SPATA16: variants seen among roughly 807,000 people sequenced by gnomAD.
SPATA16 encodes the protein spermatogenesis associated 16.
Under a neutral mutation model 63.3 loss-of-function variants are expected in SPATA16, and 36 were observed. The ratio of observed to expected loss-of-function variants is 0.57; its 90% CI spans 0.44 to 0.75. The LOEUF (loss-of-function observed/expected upper bound fraction) is 0.75. SPATA16 is among the 30% of genes least tolerant of loss of function. The pLI is 0.00. For missense variants in SPATA16, 646 were observed against 679.3 expected (o/e 0.95, Z 0.54); for synonymous variants, 203 against 216.7 (o/e 0.94, Z 0.56).
intron 6 of SPATA16, among the ~76,000 whole-genome samples, chr3:172,934,068 A>G (rs909584343): frequency 1.3e-5 from 2 of 152,272 alleles, no homozygotes; most frequent in Middle Eastern, 3.4e-3. Context: ...ACTTACATTT[A>G]TAAGTATAAT....
Position 172,894,729 on chromosome 3 carries a change from A to G in SPATA16, c.1588-5037T>C, listed in dbSNP as rs539798693. Among the ~76,000 whole-genome samples, 39 of 152,318 alleles carry G rather than the reference A, an allele frequency of 2.6e-4. No homozygotes were observed. In the Middle Eastern group the frequency reaches 0.014, roughly 53 times the overall value. On this transcript the variant is annotated intron_variant, in intron 10 of 10. Transcript: ENST00000351008. ...GATCTTTGGGAGGCGATTAGGTCACAAGAATGGAACTCTCGTGAATGGCAT... is the reference window on the plus strand; with the variant it reads ...GATCTTTGGGAGGCGATTAGGTCACGAGAATGGAACTCTCGTGAATGGCAT...
At chr3:173,138,864 G>A (rs1267668851) in intron 1 of SPATA16, among the ~76,000 whole-genome samples, 3 of 152,146 alleles carry the variant, frequency 2.0e-5, no homozygotes, top group South Asian at 2.1e-4. Context: ...CATGAATTCT[G>A]CACATTTCAG....
At chr3:173,073,956 T>TG (rs1481768383) in intron 2 of SPATA16, among the ~76,000 whole-genome samples, 1 of 152,068 alleles carries the variant, frequency 6.6e-6, no homozygotes. Flanking sequence ...CTTGCATCAG[T>TG]GTGACCTGGA....
chr3:172,949,935 T>C (rs1002362699), intron 6 of SPATA16, among the ~76,000 whole-genome samples: 2 of 152,198 alleles, frequency 1.3e-5, no homozygotes, highest in Admixed American at 6.5e-5. Flanking sequence ...AAGGTTTTGC[T>C]GAGCATTATG....
intron 10 of SPATA16, among the ~76,000 whole-genome samples, chr3:172,907,839 A>C (rs1390754272): frequency 6.6e-6 from 1 of 151,880 alleles, no homozygotes; most frequent in Non-Finnish European, 1.5e-5. Flanking sequence ...CGGCCTCCCA[A>C]AGTGTTGGTA....
chr3:173,138,352 A>G (rs1266302198), intron 1 of SPATA16, among the ~76,000 whole-genome samples: 4 of 152,216 alleles, frequency 2.6e-5, no homozygotes, highest in Non-Finnish European at 5.9e-5. Flanking sequence ...ATGTGGAGCT[A>G]TCTTCCTAAT....
chr3:173,088,026 CTTTCTTTCTTTCTTTCTT>C (rs1737110681), intron 2 of SPATA16, among the ~76,000 whole-genome samples: 1 of 120,530 alleles, frequency 8.3e-6, no homozygotes, highest in Admixed American at 8.7e-5. Flanking sequence ...TTCTTTCTTT[CTTTCTTTCTTTCTTTCTT>C]TCTTTCTTTC....
chr3:173,117,743 A>G lies in SPATA16; in HGVS notation c.-12T>C. On this transcript the variant is annotated 5_prime_UTR_variant, in exon 2 of 11. Coordinates refer to ENST00000351008, the MANE Select transcript of SPATA16 (RefSeq NM_031955.6). ...CTTCCTGCATCCATCGATCCTGCCC[A>G]AAACTCCTGCAGGGGGGAGAAAAAG... 6.2e-7 allele frequency: 1 copy of G among 1,614,088 alleles called. No homozygotes were observed. The highest frequency in any genetic ancestry group is 8.5e-7 in the Non-Finnish European group (1 of 1,179,970).
At chr3:173,057,800 A>G (rs1736273370) in intron 2 of SPATA16, among the ~76,000 whole-genome samples, 1 of 152,222 alleles carries the variant, frequency 6.6e-6, no homozygotes, top group South Asian at 2.1e-4. Flanking sequence ...CATTACATCT[A>G]TTAAATCTCA....
intron 1 of SPATA16, among the ~76,000 whole-genome samples, chr3:173,119,027 T>C (rs1399183482): frequency 1.3e-5 from 2 of 152,208 alleles, no homozygotes; most frequent in Admixed American, 1.3e-4. Context: ...TTTGTTTGTT[T>C]GGAAGACAGT....
At chr3:173,054,744 T>C (rs988775121) in intron 2 of SPATA16, among the ~76,000 whole-genome samples, 1 of 151,032 alleles carries the variant, frequency 6.6e-6, no homozygotes, top group Non-Finnish European at 1.5e-5. Context: ...ACATGTATCC[T>C]TTTTTTTTAA....
intron 2 of SPATA16, 64 bp from the exon 3 acceptor site, chr3:173,049,158 G>T: frequency 2.0e-6 from 3 of 1,509,776 alleles, no homozygotes; most frequent in South Asian, 2.4e-5. Context: ...TTTTAAATAA[G>T]CAAAACATGT....
intron 3 of SPATA16, among the ~76,000 whole-genome samples, chr3:173,033,870 A>T (rs908748252): frequency 2.0e-5 from 3 of 151,776 alleles, no homozygotes; most frequent in African/African-American, 2.4e-5. Flanking sequence ...ACGCCTGGCT[A>T]ATTTTTGTAT....
intron 4 of SPATA16, among the ~76,000 whole-genome samples, chr3:172,997,955 C>A (rs1482391812): frequency 6.6e-6 from 1 of 152,066 alleles, no homozygotes; most frequent in Non-Finnish European, 1.5e-5. Context: ...TATAGTAATT[C>A]TTGAAGTAAG....
At chr3:172,942,463 T>A (rs1322156404) in intron 6 of SPATA16, among the ~76,000 whole-genome samples, 1 of 152,080 alleles carries the variant, frequency 6.6e-6, no homozygotes, top group African/African-American at 2.4e-5. Flanking sequence ...ACGTTAACAT[T>A]AAGGTGAAGA....
At chr3:173,081,876 A>G (rs2108313854) in intron 2 of SPATA16, among the ~76,000 whole-genome samples, 1 of 152,342 alleles carries the variant, frequency 6.6e-6, no homozygotes, top group South Asian at 2.1e-4. Flanking sequence ...TCATACAGAT[A>G]TCATTTATTA....
At chr3:172,936,860 A>T (rs1386926772) in intron 6 of SPATA16, among the ~76,000 whole-genome samples, 2 of 152,136 alleles carry the variant, frequency 1.3e-5, no homozygotes, top group Non-Finnish European at 2.9e-5. Flanking sequence ...GGCATGGGCC[A>T]CTATGGCCAG....
At chr3:172,973,265 ATG>A (rs754410473) in intron 5 of SPATA16, among the ~76,000 whole-genome samples, 1 of 151,870 alleles carries the variant, frequency 6.6e-6, no homozygotes, top group Non-Finnish European at 1.5e-5. Flanking sequence ...CATATATTTC[ATG>A]TGTGTGTGTG....
chr3:173,042,626 A>C, intron 3 of SPATA16, among the ~76,000 whole-genome samples: 1 of 152,324 alleles, frequency 6.6e-6, no homozygotes, highest in African/African-American at 2.4e-5. Context: ...CAAACCTGAT[A>C]TATTTTGATA....
Sources: allele counts gnomAD v4.1 joint callset (sites outside exome capture counted in the v4.1 genomes callset), GRCh38; gene constraint gnomAD v4.1.1; transcripts MANE v1.5; gene names NCBI Gene and HGNC (gene_info 2026-07-23, HGNC 2026-07-21).